Variants in OSER1 observed in about 807,000 individuals in gnomAD.
The protein encoded by OSER1 is oxidative stress-responsive serine-rich protein 1.
OSER1 carries 15 observed loss-of-function variants against 26.3 expected under a neutral mutation model. The observed-to-expected ratio is 0.57, with a 90% CI of 0.38 to 0.88. The LOEUF is 0.88. Among genes scored for constraint, OSER1 ranks in the 40% least tolerant of loss-of-function variants. The pLI is 0.00. For synonymous variants in OSER1, 127 were observed against 128.2 expected (o/e 0.99, Z 0.07); for missense variants, 313 against 353.9 (o/e 0.88, Z 0.93).
Position 44,206,869 on chromosome 20 carries a change from A to C in OSER1, c.77+12T>G. The C allele has an allele frequency of 9.9e-7, 1 of 1,005,802 alleles. No homozygotes were observed. Among genetic ancestry groups the C allele is most frequent in the East Asian group, 2.4e-5 (1 of 41,982 alleles). 62.3% of individuals were successfully genotyped at this position (1,005,802 alleles called of 1,614,324 possible). On this transcript the variant is annotated intron_variant, in intron 2 of 3. Transcript: ENST00000255174. ...CAAATAATTCCAAATAATATATTAC[A>C]TATTTAATTACCCTGATGCATCCAC...
rs759740060 is a variant in OSER1, at chr20:44,197,412, G to C, written c.519C>G (p.Pro173=). The C allele has an allele frequency of 2.7e-5, 43 of 1,614,100 alleles. No individual in the cohort carries two copies. Among genetic ancestry groups the C allele is most frequent in the Non-Finnish European group, 3.6e-5 (43 of 1,180,034 alleles). The change falls in exon 4 of 4, where the codon CCC becomes CCG. Residue 173 remains proline (P), a synonymous_variant. Coordinates refer to ENST00000255174, the MANE Select transcript of OSER1 (RefSeq NM_016470.8). ...KEDSSDATQV[P]QASLKASDLS... is the part of the protein sequence containing the mutation. ...GATCACTGGCTTTGAGACTTGCTTG[G>C]GGGACTTGGGTAGCGTCAGAGGAGT...
rs2072931479 is a variant in OSER1, at chr20:44,197,454, T to C, written c.477A>G (p.Ser159=). Residue 159 remains serine (S), a synonymous_variant, in exon 4 of 4, where the codon TCA becomes TCG. Coordinates refer to ENST00000255174, the MANE Select transcript of OSER1 (RefSeq NM_016470.8). ...PLRTSVPRLP[S]ESKKEDSSDA... ...CAGAGGAGTCTTCCTTCTTACTCTC[T>C]GATGGGAGCCTTGGAACAGAAGTTC... is the stretch of plus-strand genomic sequence containing the variant. 9 of 1,614,108 alleles carry C rather than the reference T, an allele frequency of 5.6e-6. No homozygotes were observed. The Admixed American group carries it at 6.7e-5, about 12-fold the overall frequency.
At chr20:44,207,082 C>A in intron 1 of OSER1, 84 bp from the exon 2 acceptor site, 1 of 622,244 alleles carries the variant, frequency 1.6e-6, no homozygotes, top group Non-Finnish European at 2.8e-6. Flanking sequence ...AAAAAAAAAG[C>A]AAATTTTTAT....
chr20:44,209,555 C>G (rs2073075976), intron 1 of OSER1, among the ~76,000 whole-genome samples: 1 of 152,194 alleles, frequency 6.6e-6, no homozygotes, highest in Non-Finnish European at 1.5e-5. Context: ...CTGCAGTGAA[C>G]TCGTGAAGTT....
intron 3 of OSER1, 78 bp downstream of exon 3, chr20:44,202,883 T>C: frequency 1.3e-6 from 1 of 786,638 alleles, no homozygotes; most frequent in African/African-American, 1.7e-5. Flanking sequence ...AACCTAACTC[T>C]TTTCTGGACA....
intron 2 of OSER1, among the ~76,000 whole-genome samples, chr20:44,203,694 T>TCACACACACA (rs139060435): frequency 3.0e-3 from 431 of 145,440 alleles, no homozygotes; most frequent in African/African-American, 5.0e-3. Context: ...CAGACTTTTT[T>TCACACACACA]CACACACACA....
At position 44,197,624 on chromosome 20, in the gene OSER1, T is replaced by C; in HGVS notation, c.307A>G (p.Ser103Gly). Residue 103 changes from serine to glycine, a missense_variant, in exon 4 of 4, where the codon AGC (serine) becomes GGC (glycine). This residue lies in a region of OSER1 where 300 missense variants were observed against 318.3 expected (regional missense o/e 0.94). Transcript: ENST00000255174. ...IHCSTIASSS[S>G]SQLKHKSQTD... is the part of the protein sequence containing the mutation. ...TGGCTTTTGTGCTTGAGTTGACTGC[T>C]GGAAGAAGACGCTATTGTACTGCAA... 6.2e-7 allele frequency: 1 copy of C among 1,614,114 alleles called. No individual in the cohort carries two copies. Among genetic ancestry groups the C allele is most frequent in the Non-Finnish European group, 8.5e-7 (1 of 1,179,966 alleles).
chr20:44,209,979 A>C (rs1195479705), intron 1 of OSER1: 1 of 152,360 alleles, frequency 6.6e-6, no homozygotes, highest in African/African-American at 2.4e-5. Context: ...GGGAGGAAAC[A>C]ATCGGCCCCC....
At chr20:44,203,136 CT>C (rs2145929024) in intron 2 of OSER1, 62 bp from the exon 3 acceptor site, 1 of 780,318 alleles carries the variant, frequency 1.3e-6, no homozygotes, top group Non-Finnish European at 2.2e-6. Context: ...ACATATTGTT[CT>C]CACTAGCTCA....
chr20:44,209,103 T>C (rs2073069774), intron 1 of OSER1, among the ~76,000 whole-genome samples: 1 of 152,228 alleles, frequency 6.6e-6, no homozygotes, highest in Non-Finnish European at 1.5e-5. Flanking sequence ...GCTCTGAACC[T>C]ACATATGTAA....
chr20:44,202,245 G>A (rs895932639), intron 3 of OSER1, among the ~76,000 whole-genome samples: 14 of 152,142 alleles, frequency 9.2e-5, no homozygotes, highest in South Asian at 2.1e-4. Context: ...GCATGGTGGC[G>A]GGCACCTGCG....
At chr20:44,199,714 A>G (rs148427592) in intron 3 of OSER1, among the ~76,000 whole-genome samples, 20 of 152,368 alleles carry the variant, frequency 1.3e-4, no homozygotes, top group African/African-American at 4.3e-4. Flanking sequence ...TGAAAGTTAC[A>G]GCCACAGTGC....
chr20:44,197,606 T>G lies in OSER1; in HGVS notation c.325A>C (p.Lys109Gln). 2 of 1,614,254 alleles carry G rather than the reference T, an allele frequency of 1.2e-6. No individual in the cohort carries two copies. The highest frequency in any genetic ancestry group is 1.1e-5 in the South Asian group (1 of 91,088). ...CCATCAGGTGAGTCAGTCTGGCTTTTGTGCTTGAGTTGACTGCTGGAAGAA... is the reference window on the plus strand; with the variant it reads ...CCATCAGGTGAGTCAGTCTGGCTTTGGTGCTTGAGTTGACTGCTGGAAGAA... ...ASSSSSQLKH[K>Q]SQTDSPDGSS... Residue 109 changes from lysine to glutamine, a missense_variant, in exon 4 of 4, where the codon AAA becomes CAA. Coordinates refer to ENST00000255174, the MANE Select transcript of OSER1 (RefSeq NM_016470.8).
At chr20:44,202,842 T>C in intron 3 of OSER1, 119 bp downstream of exon 3, 1 of 530,348 alleles carries the variant, frequency 1.9e-6, no homozygotes, top group Non-Finnish European at 3.4e-6. Context: ...TAGGTCCTCA[T>C]CTAATCATTG....
rs779419621 is a variant in OSER1, at chr20:44,197,435, A to C, written c.496T>G (p.Ser166Ala). The change falls in exon 4 of 4, where the codon TCC becomes GCC. Residue 166 changes from serine (S) to alanine (A), a missense_variant. This residue lies in a region of OSER1 where 300 missense variants were observed against 318.3 expected (regional missense o/e 0.94). Transcript: ENST00000255174. ...RLPSESKKED[S>A]SDATQVPQAS... ...TGGGGGACTTGGGTAGCGTCAGAGGAGTCTTCCTTCTTACTCTCTGATGGG... is the reference window on the plus strand; with the variant it reads ...TGGGGGACTTGGGTAGCGTCAGAGGCGTCTTCCTTCTTACTCTCTGATGGG... 2 of 1,613,982 alleles carry C rather than the reference A, an allele frequency of 1.2e-6. No homozygotes were observed. The highest frequency in any genetic ancestry group is 2.2e-5 in the East Asian group (1 of 44,892).
At chr20:44,210,561 C>G (rs2073093829) in intron 1 of OSER1, 135 bp downstream of exon 1, 1 of 152,436 alleles carries the variant, frequency 6.6e-6, no homozygotes, top group Non-Finnish European at 1.5e-5. Flanking sequence ...GGCCCAGGCC[C>G]GGCCCAGGCA....
chr20:44,199,734 C>T (rs982141903), intron 3 of OSER1, among the ~76,000 whole-genome samples: 3 of 152,142 alleles, frequency 2.0e-5, no homozygotes, highest in Middle Eastern at 3.2e-3. Flanking sequence ...CATGTAAGTC[C>T]TTAGTTAAGA....
chr20:44,209,489 T>G (rs1299207173), intron 1 of OSER1, among the ~76,000 whole-genome samples: 1 of 152,232 alleles, frequency 6.6e-6, no homozygotes, highest in Non-Finnish European at 1.5e-5. Flanking sequence ...CAGATATAAT[T>G]GGCTTGCCTT....
intron 1 of OSER1, 148 bp from the exon 2 acceptor site, chr20:44,207,146 A>C: frequency 2.0e-6 from 1 of 498,724 alleles, no homozygotes; most frequent in Non-Finnish European, 3.6e-6. Flanking sequence ...TTTATTTCTT[A>C]AAGGGAAACA....
Sources: gnomAD v4.1 joint callset for allele counts (sites outside exome capture counted in the v4.1 genomes callset) on GRCh38, gnomAD v4.1.1 for gene constraint, gnomAD v4.1.1 regional missense constraint, MANE v1.5 for transcripts, NCBI Gene and HGNC (gene_info 2026-07-23, HGNC 2026-07-21) for gene names.